ZNF480: variants seen among roughly 807,000 people sequenced by gnomAD.
ZNF480 encodes zinc finger protein 480.
ZNF480 carries 15 observed loss-of-function variants against 14.4 expected under a neutral mutation model. The observed-to-expected ratio is 1.04, with a 90% CI of 0.70 to 1.60. ZNF480 has a LOEUF of 1.60. ZNF480 is among the 40% of genes most tolerant of loss of function. The probability of loss-of-function intolerance (pLI) is 0.00; values close to 1 mark genes in which losing one functional copy is unlikely to be tolerated. For synonymous variants in ZNF480, 218 were observed against 215.5 expected, an observed-to-expected ratio of 1.01 and a Z score of -0.10; for missense variants, 593 against 629.7, an observed-to-expected ratio of 0.94 and a Z score of 0.62.
At chr19:52,303,914 A>G (rs1982808791) in intron 2 of ZNF480, among the ~76,000 whole-genome samples, 1 of 152,214 alleles carries the variant, frequency 6.6e-6, no homozygotes, top group Non-Finnish European at 1.5e-5. Flanking sequence ...CCTAAGTAGG[A>G]GTAAGGAGTA....
rs1361317957 is a variant in ZNF480, at chr19:52,323,539, C to T, written c.*681C>T. On this transcript the variant is annotated 3_prime_UTR_variant, in exon 5 of 5. Coordinates refer to ENST00000595962, the MANE Select transcript of ZNF480 (RefSeq NM_144684.4). ...TGGTACTCCTGACGAATATAGGTGCCAAAATCCTCAGCAAAATACTAGTAA... is the reference window on the plus strand; with the variant it reads ...TGGTACTCCTGACGAATATAGGTGCTAAAATCCTCAGCAAAATACTAGTAA... 3 of 151,950 alleles carry T rather than the reference C, an allele frequency of 2.0e-5. No homozygotes were observed. Among genetic ancestry groups the T allele is most frequent in the Non-Finnish European group, 4.4e-5 (3 of 67,984 alleles). The allele number at this position is 151,950 out of a possible 1,614,324, so 9.4% of individuals were successfully genotyped here.
At chr19:52,303,123 A>C (rs1039554701) in intron 2 of ZNF480, among the ~76,000 whole-genome samples, 1 of 152,250 alleles carries the variant, frequency 6.6e-6, no homozygotes. Flanking sequence ...AAAAGCAGTC[A>C]GTACCTTAAT....
intron 2 of ZNF480, among the ~76,000 whole-genome samples, chr19:52,311,814 TAAAA>T (rs78392554): frequency 6.8e-6 from 1 of 147,038 alleles, no homozygotes; most frequent in South Asian, 2.1e-4. Context: ...CTCTAAAAAT[TAAAA>T]AAAAAAGTGA....
chr19:52,300,208 G>A (rs932696224), intron 1 of ZNF480, among the ~76,000 whole-genome samples, 186 bp from the exon 2 acceptor site: 1 of 152,208 alleles, frequency 6.6e-6, no homozygotes, highest in Admixed American at 6.5e-5. Context: ...AGCAGGTTCT[G>A]AAGACGAGTA....
At chr19:52,300,509 G>A (rs376400411) in intron 2 of ZNF480, 25 bp downstream of exon 2, 7 of 1,608,162 alleles carry the variant, frequency 4.4e-6, no homozygotes, top group Non-Finnish European at 5.9e-6. Flanking sequence ...TCGGTGGATT[G>A]TTCTGTCTCC....
chr19:52,315,208 C>A (rs551086205), intron 3 of ZNF480, among the ~76,000 whole-genome samples: 1 of 152,142 alleles, frequency 6.6e-6, no homozygotes, highest in Non-Finnish European at 1.5e-5. Context: ...CTCAGCCTCC[C>A]GAAGTGCTGG....
chr19:52,303,431 A>C (rs920828223), intron 2 of ZNF480, among the ~76,000 whole-genome samples: 7 of 152,140 alleles, frequency 4.6e-5, no homozygotes, highest in African/African-American at 1.7e-4. Flanking sequence ...AGGGACAATA[A>C]TTTTTTCAGG....
chr19:52,298,661 G>T (rs960837070), intron 1 of ZNF480, among the ~76,000 whole-genome samples: 2 of 151,690 alleles, frequency 1.3e-5, no homozygotes, highest in African/African-American at 4.8e-5. Context: ...AGACAAATAG[G>T]TGGAGAATGG....
intron 2 of ZNF480, among the ~76,000 whole-genome samples, chr19:52,307,021 C>T (rs1238606520): frequency 6.6e-6 from 1 of 152,168 alleles, no homozygotes; most frequent in African/African-American, 2.4e-5. Context: ...GTCACTTCTT[C>T]TGTACTTCAT....
chr19:52,306,824 G>A (rs1048716158), intron 2 of ZNF480, among the ~76,000 whole-genome samples: 4 of 152,182 alleles, frequency 2.6e-5, no homozygotes, highest in South Asian at 2.1e-4. Flanking sequence ...GAATAGAACC[G>A]AGAGCAGTTG....
At chr19:52,315,644 G>A (rs879715975) in intron 3 of ZNF480, among the ~76,000 whole-genome samples, 190 bp from the exon 4 acceptor site, 4 of 152,070 alleles carry the variant, frequency 2.6e-5, no homozygotes, top group Admixed American at 2.6e-4. Flanking sequence ...TTTATACTCA[G>A]TAGTTCTTGG....
At position 52,300,398 on chromosome 19, in the gene ZNF480, G is replaced by A. The variant is rs777452046; in HGVS notation, c.-15G>A. 4 of 1,585,156 alleles carry A rather than the reference G, an allele frequency of 2.5e-6. No homozygotes were observed. Among genetic ancestry groups the A allele is most frequent in the Non-Finnish European group, 3.4e-6 (4 of 1,165,644 alleles). ...CAGCATATTTTTGACATTTAGGATT[G>A]ACTTCTAAAGAGTCATGCTGTGTGA... On this transcript the variant is annotated 5_prime_UTR_variant, in exon 2 of 5. Transcript: ENST00000595962.
At chr19:52,316,360 A>G (rs990097906) in intron 4 of ZNF480, among the ~76,000 whole-genome samples, 6 of 151,766 alleles carry the variant, frequency 4.0e-5, no homozygotes, top group African/African-American at 1.5e-4. Context: ...CCAGGTATCT[A>G]TGATTATGGT....
intron 2 of ZNF480, among the ~76,000 whole-genome samples, chr19:52,311,889 A>G (rs1983304232): frequency 6.6e-6 from 1 of 152,200 alleles, no homozygotes; most frequent in African/African-American, 2.4e-5. Flanking sequence ...GTTGATGTGT[A>G]TAAGTGTATA....
Position 52,314,164 on chromosome 19 carries a change from A to G in ZNF480, c.84A>G (p.Thr28=). The part of the protein sequence containing the change: ...SGMALPQGHL[T]FRDVAIEFSQ... ...GGTTTTCATTTTAGGGACACTTAAC[A>G]TTCAGGGACGTGGCCATAGAATTCT... Residue 28 remains threonine, a synonymous_variant, in exon 3 of 5, where the codon ACA becomes ACG. Transcript: ENST00000595962. 1 of 1,571,018 alleles carries G rather than the reference A, an allele frequency of 6.4e-7. No homozygotes were observed. The highest frequency in any genetic ancestry group is 8.7e-7 in the Non-Finnish European group (1 of 1,152,648).
intron 2 of ZNF480, among the ~76,000 whole-genome samples, chr19:52,309,933 A>G (rs1412789081): frequency 6.6e-6 from 1 of 152,166 alleles, no homozygotes; most frequent in Non-Finnish European, 1.5e-5. Flanking sequence ...GCCATTTCCT[A>G]AGGGAGATGT....
intron 1 of ZNF480, among the ~76,000 whole-genome samples, chr19:52,298,717 G>A (rs924903309): frequency 6.6e-6 from 1 of 151,918 alleles, no homozygotes; most frequent in Non-Finnish European, 1.5e-5. Flanking sequence ...GGTGAAACAA[G>A]TTGCCAGAAT....
At chr19:52,308,037 G>C (rs190288750) in intron 2 of ZNF480, among the ~76,000 whole-genome samples, 1 of 152,048 alleles carries the variant, frequency 6.6e-6, no homozygotes, top group Non-Finnish European at 1.5e-5. Context: ...TCCATCTCCC[G>C]TTACCCAGTG....
At chr19:52,320,740 G>C (rs965435138) in intron 4 of ZNF480, among the ~76,000 whole-genome samples, 1 of 152,124 alleles carries the variant, frequency 6.6e-6, no homozygotes, top group African/African-American at 2.4e-5. Context: ...GCAGTGAGCT[G>C]AGATTGCATC....
Sources: gnomAD v4.1 joint callset for allele counts (sites outside exome capture counted in the v4.1 genomes callset) on GRCh38, gnomAD v4.1.1 for gene constraint, MANE v1.5 for transcripts, NCBI Gene and HGNC (gene_info 2026-07-23, HGNC 2026-07-21) for gene names.